Variants in INF2 observed in about 807,000 individuals in gnomAD.
INF2 encodes the protein inverted formin 2.
INF2 carries 43 observed loss-of-function variants against 123.5 expected under a neutral mutation model. The ratio of observed to expected loss-of-function variants is 0.35; its 90% confidence interval spans 0.27 to 0.45. The LOEUF is 0.45. INF2 is among the 20% of genes least tolerant of loss of function. The probability of loss-of-function intolerance (pLI) is 1.00; values close to 1 mark genes in which losing one functional copy is unlikely to be tolerated. For synonymous variants in INF2, 851 were observed against 745.0 expected (o/e 1.14, Z -2.32); for missense variants, 1,453 against 1,682.7 (o/e 0.86, Z 2.39).
In INF2 at chr14:104,714,367, C is replaced by T. The variant is rs1209329545; in HGVS notation, c.3205C>T (p.Pro1069Ser). 1.9e-6 allele frequency: 3 copies of T among 1,597,700 alleles called. No homozygotes were observed. Among genetic ancestry groups the T allele is most frequent in the Non-Finnish European group, 2.6e-6 (3 of 1,172,794 alleles). The stretch of plus-strand genomic sequence containing the variant: ...CCTGGAGCAGTTGGAGGAGGGTGGT[C>T]CACGGCCCCTGGAGAGGCGTTCTTC... ...PTLEQLEEGG[P>S]RPLERRSSWY... Residue 1069 changes from proline to serine, a missense_variant, in exon 21 of 23, where the codon CCA becomes TCA. By Grantham distance (74) the Pro-to-Ser change is moderately conservative. Coordinates refer to ENST00000392634, the MANE Select transcript of INF2 (RefSeq NM_022489.4).
intron 22 of INF2, chr14:104,715,637 G>A (rs1012195872): frequency 3.1e-5 from 18 of 589,920 alleles, no homozygotes; most frequent in Middle Eastern, 4.5e-4. Context: ...GACTCCCTTA[G>A]CAAGCAGGAT....
intron 1 of INF2, among the ~76,000 whole-genome samples, chr14:104,697,428 C>G (rs536906478): frequency 9.5e-4 from 145 of 152,378 alleles, no homozygotes; most frequent in African/African-American, 3.4e-3. Context: ...GGTGCTGGGC[C>G]TGCCTCAGGA....
chr14:104,719,203 C>T lies in INF2; in HGVS notation c.*410C>T. The T allele has an allele frequency of 5.1e-6, 1 of 196,968 alleles. No homozygotes were observed. The highest frequency in any genetic ancestry group is 1.0e-5 in the Non-Finnish European group (1 of 97,796). The allele number at this position is 196,968 out of a possible 1,614,324, so 12.2% of individuals were successfully genotyped here. On this transcript the variant is annotated 3_prime_UTR_variant, in exon 23 of 23. Transcript: ENST00000392634. ...TGCAATGCTTTGCAAGTCTTTACTG[C>T]TTGGAGGTGGCTGAGTTGGGGGCCC...
intron 1 of INF2, among the ~76,000 whole-genome samples, chr14:104,700,034 G>C (rs1258645953): frequency 6.6e-6 from 1 of 152,118 alleles, no homozygotes; most frequent in Non-Finnish European, 1.5e-5. Flanking sequence ...GAGACCTCAA[G>C]GGCAGGTGCT....
At chr14:104,694,953 T>C (rs1889117264) in intron 1 of INF2, among the ~76,000 whole-genome samples, 1 of 152,268 alleles carries the variant, frequency 6.6e-6, no homozygotes, top group Middle Eastern at 3.4e-3. Flanking sequence ...CTGGCTCCAA[T>C]GAGCTGCTGC....
chr14:104,696,091 C>T lies in INF2; in HGVS notation c.-9-5266C>T, dbSNP rs574007925. On this transcript the variant is annotated intron_variant, in intron 1 of 22. Transcript: ENST00000392634. ...CATGTGATTGAAATCCGTCACCATG[C>T]GGCCTGCTTCCCATCTTTGTCTTCT... 2.3e-3 allele frequency among the ~76,000 whole-genome samples: 348 copies of T among 152,340 alleles called. 1 individual carries two copies. Among genetic ancestry groups the T allele is most frequent in the Admixed American group, 4.8e-3 (73 of 15,310 alleles).
chr14:104,683,842 C>G lies in INF2; in HGVS notation c.-104+2260C>G, dbSNP rs551082104. 7.2e-5 allele frequency among the ~76,000 whole-genome samples: 11 copies of G among 152,312 alleles called. 1 individual carries two copies. The South Asian group carries it at 1.9e-3, about 26-fold the overall frequency. ...CTCCCCCTCTCCCCTTCTCTGCCGCCCCACCCCTGCCTCTTCTGAGTCTGC... is the reference window on the plus strand; with the variant it reads ...CTCCCCCTCTCCCCTTCTCTGCCGCGCCACCCCTGCCTCTTCTGAGTCTGC... On this transcript the variant is annotated intron_variant, in intron 1 of 2. Coordinates refer to the INF2 transcript ENST00000674723.
At chr14:104,704,034 C>T in intron 5 of INF2, 85 bp downstream of exon 5, 1 of 1,594,700 alleles carries the variant, frequency 6.3e-7, no homozygotes, top group Non-Finnish European at 8.5e-7. Flanking sequence ...CCAGCCACCT[C>T]ACCTAAGCAG....
Position 104,707,742 on chromosome 14 carries a change from C to T in INF2, c.1475C>T (p.Pro492Leu), listed in dbSNP as rs1300036154. Reference protein sequence around the residue: ...GSCEFLPPPPPPLPGLGCPPP... With the variant: ...GSCEFLPPPPLPLPGLGCPPP... The stretch of plus-strand genomic sequence containing the variant: ...TGTGAGTTCCTGCCCCCACCACCTC[C>T]ACCACTCCCGGGCTTGGGATGCCCG... Residue 492 changes from proline to leucine, a missense_variant, in exon 8 of 23, where the codon CCA becomes CTA. This residue lies in a region of INF2 where 374 missense variants were observed against 303.7 expected (regional missense o/e 1.23). Coordinates refer to ENST00000392634, the MANE Select transcript of INF2 (RefSeq NM_022489.4). 12 of 1,368,558 alleles carry T rather than the reference C, an allele frequency of 8.8e-6. No homozygotes were observed. The highest frequency in any genetic ancestry group is 2.0e-5 in the Admixed American group (1 of 50,012). 84.8% of individuals were successfully genotyped at this position (1,368,558 alleles called of 1,614,324 possible). A position where few individuals can be genotyped will look rare whatever the true frequency, so the allele number is the denominator to read the frequency against.
At chr14:104,704,417 A>C (rs1244388115) in intron 5 of INF2, 1 of 215,616 alleles carries the variant, frequency 4.6e-6, no homozygotes, top group Non-Finnish European at 9.3e-6. Flanking sequence ...AGGGTCCCCA[A>C]CCGCCAGGCT....
At chr14:104,703,693 C>T (rs984921644) in intron 4 of INF2, among the ~76,000 whole-genome samples, 5 of 152,208 alleles carry the variant, frequency 3.3e-5, no homozygotes, top group South Asian at 2.1e-4. Context: ...GCAGTGGAGC[C>T]GGACAGGGGG....
In INF2 at chr14:104,696,453, C is replaced by A. The variant is rs78433427; in HGVS notation, c.-9-4904C>A. Among the ~76,000 whole-genome samples, 838 of 152,372 alleles carry A rather than the reference C, an allele frequency of 5.5e-3. 11 individuals are homozygous for A. The highest frequency in any genetic ancestry group is 0.019 in the African/African-American group (797 of 41,582). On this transcript the variant is annotated intron_variant, in intron 1 of 22. Transcript: ENST00000392634. ...TGCCTTGAGGCCCCCTGTGCACAGA[C>A]CCTCCCTGGGCCTTGCCGGCAGTTG... is the stretch of plus-strand genomic sequence containing the variant.
chr14:104,691,801 C>T (rs1220315934), intron 1 of INF2, among the ~76,000 whole-genome samples: 1 of 152,160 alleles, frequency 6.6e-6, no homozygotes, highest in Admixed American at 6.5e-5. Flanking sequence ...GAGGCTTCCA[C>T]TCCTGCCAGC....
intron 2 of INF2, 148 bp from the exon 3 acceptor site, chr14:104,702,957 C>G: frequency 2.8e-6 from 2 of 708,868 alleles, no homozygotes. Flanking sequence ...CTCGTTGGGT[C>G]CCAGCCCACT....
chr14:104,693,384 A>G (rs1265480931), intron 1 of INF2, among the ~76,000 whole-genome samples: 6 of 152,164 alleles, frequency 3.9e-5, no homozygotes, highest in Non-Finnish European at 8.8e-5. Context: ...GTGGGCCAGA[A>G]CTCAACCAGG....
intron 1 of INF2, among the ~76,000 whole-genome samples, chr14:104,698,916 GAC>G (rs1889333585): frequency 6.6e-6 from 1 of 152,212 alleles, no homozygotes; most frequent in African/African-American, 2.4e-5. Context: ...GGGCAGCTCA[GAC>G]ACAGAGCCAG....
chr14:104,701,635 A>C lies in INF2; in HGVS notation c.270A>C (p.Ala90=). 9 of 1,601,004 alleles carry C rather than the reference A, an allele frequency of 5.6e-6. No homozygotes were observed. The highest frequency in any genetic ancestry group is 7.7e-6 in the Non-Finnish European group (9 of 1,176,460). ...ALARLSGRGV[A]RISDALLQLT... is the part of the protein sequence containing the mutation. The stretch of plus-strand genomic sequence containing the variant: ...CGCGGCTGTCGGGCCGCGGCGTTGC[A>C]CGTATCTCCGACGCCCTGCTGCAGC... The change falls in exon 2 of 23, where the codon GCA becomes GCC. Residue 90 remains alanine, a synonymous_variant. Transcript: ENST00000392634.
Position 104,703,871 on chromosome 14 carries a change from G to A in INF2, c.668-45G>A, listed in dbSNP as rs376676700. 142 of 1,610,050 alleles carry A rather than the reference G, an allele frequency of 8.8e-5. 1 individual carries two copies. The Middle Eastern group carries it at 2.6e-3, about 30-fold the overall frequency. On this transcript the variant is annotated intron_variant, in intron 4 of 22. Transcript: ENST00000392634. ...GTGGCAGAAGTGAAATGGGGAAGGC[G>A]GGGAGTGGCCTCCGAACCCTCTGAC...
intron 2 of INF2, among the ~76,000 whole-genome samples, chr14:104,702,622 ACAGAGGCAGGTGTAGGGGCCAGCCATTCT>A (rs1001870049): frequency 3.3e-5 from 5 of 152,288 alleles, no homozygotes; most frequent in Admixed American, 2.6e-4. Context: ...GACCCAGGGG[ACAGAGGCAGGTGTAGGGGCCAGCCATTCT>A]CAGCCCGTCT....
Sources: gnomAD v4.1 joint callset for allele counts (sites outside exome capture counted in the v4.1 genomes callset) on GRCh38, gnomAD v4.1.1 for gene constraint, gnomAD v4.1.1 regional missense constraint, MANE v1.5 for transcripts, NCBI Gene and HGNC (gene_info 2026-07-23, HGNC 2026-07-21) for gene names.